Variants in OGA observed in about 807,000 individuals in gnomAD.
OGA encodes the protein O-GlcNAcase.
A neutral mutation model predicts 102.0 loss-of-function variants in OGA; 21 were observed. The observed-to-expected ratio is 0.21, with a 90% CI of 0.15 to 0.30. OGA has a LOEUF of 0.30. Ranked by LOEUF, OGA falls within the 10% of genes least tolerant of loss-of-function variation. The pLI, the probability that OGA is intolerant of heterozygous loss-of-function variation, is 1.00. For synonymous variants in OGA, 408 were observed against 378.2 expected (o/e 1.08, Z -0.91); for missense variants, 765 against 1,107.8 (o/e 0.69, Z 4.39).
chr10:101,813,486 T>C (rs2065584096), intron 2 of OGA, 69 bp downstream of exon 2: 2 of 1,027,818 alleles, frequency 1.9e-6, no homozygotes, highest in Admixed American at 2.5e-5. Flanking sequence ...ACTGTTAGTA[T>C]TTCTTCAAAC....
At chr10:101,810,559 A>T (rs1317466909) in intron 3 of OGA, among the ~76,000 whole-genome samples, 2 of 152,244 alleles carry the variant, frequency 1.3e-5, no homozygotes, top group African/African-American at 2.4e-5. Flanking sequence ...CCAACAGAAA[A>T]TAAGAGGCCC....
intron 3 of OGA, among the ~76,000 whole-genome samples, chr10:101,811,031 A>G (rs1315800835): frequency 6.6e-6 from 1 of 152,064 alleles, no homozygotes; most frequent in East Asian, 1.9e-4. Flanking sequence ...AACAGCTGGA[A>G]TTCCTAACTA....
intron 14 of OGA, among the ~76,000 whole-genome samples, chr10:101,788,703 C>A (rs551125790): frequency 1.3e-5 from 2 of 151,418 alleles, no homozygotes; most frequent in East Asian, 1.9e-4. Context: ...CCATTGCACT[C>A]CACCCCAGGC....
Position 101,785,706 on chromosome 10 carries a change from C to A in OGA, c.*745G>T, listed in dbSNP as rs1487781511. 1 of 152,598 alleles carries A rather than the reference C, an allele frequency of 6.6e-6. No individual in the cohort carries two copies. Among genetic ancestry groups the A allele is most frequent in the Non-Finnish European group, 1.5e-5 (1 of 68,042 alleles). The allele number at this position is 152,598 out of a possible 1,614,324, so 9.5% of individuals were successfully genotyped here. A position where few individuals can be genotyped will look rare whatever the true frequency, so the allele number is the denominator to read the frequency against. On this transcript the variant is annotated 3_prime_UTR_variant, in exon 16 of 16. Transcript: ENST00000361464. ...TATTCAAAGTGCCATTCTGAACCAA[C>A]ACCCTTTCATTTATAGAGGAAAAAA...
In OGA at chr10:101,810,065, C is replaced by A. The variant is rs978636968; in HGVS notation, c.480+119G>T. The stretch of plus-strand genomic sequence containing the variant: ...TGTCTCAAAAAACAAAACAAACAAA[C>A]AAAAAAAGAAAACAAAGAAATAGGA... On this transcript the variant is annotated intron_variant, in intron 4 of 15. Coordinates refer to ENST00000361464, the MANE Select transcript of OGA (RefSeq NM_012215.5). 6.4e-6 allele frequency: 7 copies of A among 1,100,486 alleles called. No homozygotes were observed. In the South Asian group the frequency reaches 1.0e-4, roughly 16 times the overall value. The allele number at this position is 1,100,486 out of a possible 1,614,324, so 68.2% of individuals were successfully genotyped here. A position where few individuals can be genotyped will look rare whatever the true frequency, so the allele number is the denominator to read the frequency against.
At chr10:101,805,394 T>C (rs1045724587) in intron 6 of OGA, among the ~76,000 whole-genome samples, 1 of 152,104 alleles carries the variant, frequency 6.6e-6, no homozygotes, top group African/African-American at 2.4e-5. Context: ...GTGGGTCACA[T>C]GTGTAATCCC....
chr10:101,795,833 A>G, intron 10 of OGA: 1 of 834,474 alleles, frequency 1.2e-6, no homozygotes, highest in Non-Finnish European at 1.4e-6. Context: ...AAAAAAACTC[A>G]CAATGTTTTA....
At chr10:101,812,982 C>G (rs377455302) in intron 3 of OGA, 48 bp downstream of exon 3, 20 of 1,338,034 alleles carry the variant, frequency 1.5e-5, no homozygotes, top group Non-Finnish European at 2.0e-5. Flanking sequence ...AAAATATAAC[C>G]GTTTTCTTCA....
Position 101,799,434 on chromosome 10 carries a change from C to A in OGA, c.1217G>T (p.Gly406Val). 6.2e-7 allele frequency: 1 copy of A among 1,612,632 alleles called. No individual in the cohort carries two copies. Among genetic ancestry groups the A allele is most frequent in the Non-Finnish European group, 8.5e-7 (1 of 1,179,202 alleles). The change falls in exon 9 of 16, where the codon GGA becomes GTA. Residue 406 changes from glycine (G) to valine (V), a missense_variant. Coordinates refer to ENST00000361464, the MANE Select transcript of OGA (RefSeq NM_012215.5). ...CCCATCAACTACACTTGCTTTAGCT[C>A]CACTGTGTGCAACTTGCCTACCTAC... ...QYSSRQVAHS[G>V]AKASVVDGTP...
At chr10:101,813,495 A>G in intron 2 of OGA, 60 bp downstream of exon 2, 4 of 1,113,740 alleles carry the variant, frequency 3.6e-6, no homozygotes, top group Non-Finnish European at 5.2e-6. Flanking sequence ...ATTTCTTCAA[A>G]CAAAAGAAAA....
chr10:101,809,975 G>A (rs1049098373), intron 4 of OGA, among the ~76,000 whole-genome samples: 17 of 151,878 alleles, frequency 1.1e-4, no homozygotes, highest in Non-Finnish European at 8.8e-5. Flanking sequence ...CCCGGGAGGC[G>A]GAGGAGGTTG....
chr10:101,803,611 TAC>T (rs2065427272), intron 7 of OGA, 122 bp downstream of exon 7: 5 of 1,071,994 alleles, frequency 4.7e-6, no homozygotes, highest in Non-Finnish European at 6.6e-6. Flanking sequence ...TAAAACAAAA[TAC>T]GTTTTTAAAA....
chr10:101,816,090 G>A (rs1316584306), intron 1 of OGA, among the ~76,000 whole-genome samples: 1 of 150,018 alleles, frequency 6.7e-6, no homozygotes. Flanking sequence ...TGGGCAACAC[G>A]GTGAAACCCG....
In OGA at chr10:101,790,904, C is replaced by G; in HGVS notation, c.2446G>C (p.Glu816Gln). Residue 816 changes from glutamate (E) to glutamine (Q), a missense_variant, in exon 14 of 16, where the codon GAG becomes CAG. Physicochemically the swap from Glu to Gln is conservative, Grantham distance 29. Around this residue, in one of 7 missense-constraint regions of OGA, gnomAD observed 146 missense variants for 269.7 expected, o/e 0.54. Transcript: ENST00000361464. ...CTTAACCTTTGTATTACCTCAGCCT[C>G]AGAGAGTTCCTTGTCACCATTTGGC... ...TKPNGDKELS[E>Q]AEKIMLSFHE... is the part of the protein sequence containing the mutation. 1.2e-6 allele frequency: 2 copies of G among 1,604,178 alleles called. No homozygotes were observed. Among genetic ancestry groups the G allele is most frequent in the Non-Finnish European group, 1.7e-6 (2 of 1,171,998 alleles).
chr10:101,797,682 A>C (rs184054373), intron 10 of OGA: 535 of 530,274 alleles, frequency 1.0e-3, no homozygotes, highest in African/African-American at 9.1e-3. Flanking sequence ...TAAAAGTGGT[A>C]TACAGGGTTC....
chr10:101,796,736 A>G (rs560163560), intron 10 of OGA, among the ~76,000 whole-genome samples: 40 of 151,804 alleles, frequency 2.6e-4, no homozygotes, highest in Non-Finnish European at 5.9e-4. Context: ...ACGCCTGGCT[A>G]ATTTTTGTAT....
At chr10:101,810,036 ACT>A (rs1304524320) in intron 4 of OGA, 146 bp downstream of exon 4, 10 of 812,902 alleles carry the variant, frequency 1.2e-5, no homozygotes, top group African/African-American at 7.1e-5. Context: ...ACAGAGCAAG[ACT>A]CTGTCTCAAA....
rs1436738608 is a variant in OGA, at chr10:101,803,462, AC to A, written c.1036+272del. ...CTGAATCATACTAAAAAAAAAAAAA[AC>A]AAAAAAAAAAAAACTAAGGCAAAGA... On this transcript the variant is annotated intron_variant, in intron 7 of 15. Transcript: ENST00000361464. Among the ~76,000 whole-genome samples, 590 of 137,074 alleles carry A rather than the reference AC, an allele frequency of 4.3e-3. 4 individuals are homozygous for A. Among genetic ancestry groups the A allele is most frequent in the African/African-American group, 0.014 (535 of 38,170 alleles). The allele number at this position is 137,074 out of a possible 152,430, so 89.9% of individuals were successfully genotyped here. A position where few individuals can be genotyped will look rare whatever the true frequency, so the allele number is the denominator to read the frequency against.
intron 10 of OGA, chr10:101,797,630 C>G (rs1385644939): frequency 2.3e-6 from 1 of 429,932 alleles, no homozygotes; most frequent in African/African-American, 2.0e-5. Context: ...CAGCAGAAAG[C>G]TTGTGGAGTC....
Sources: allele counts gnomAD v4.1 joint callset (sites outside exome capture counted in the v4.1 genomes callset), GRCh38; gene constraint gnomAD v4.1.1; regional missense constraint gnomAD v4.1.1; transcripts MANE v1.5; gene names NCBI Gene and HGNC (gene_info 2026-07-23, HGNC 2026-07-21).